Variants in TMEM108 observed in about 807,000 individuals in gnomAD.
TMEM108 encodes the protein cancer/testis antigen 124.
TMEM108 carries 12 observed loss-of-function variants against 35.1 expected under a neutral mutation model. The observed-to-expected ratio is 0.34, with a 90% CI of 0.22 to 0.55. TMEM108 has a LOEUF of 0.55. TMEM108 is among the 20% of genes least tolerant of loss of function. TMEM108 has a pLI of 0.89. For missense variants in TMEM108, 680 were observed against 753.3 expected (o/e 0.90, Z 1.14); for synonymous variants, 287 against 308.6 (o/e 0.93, Z 0.73).
intron 3 of TMEM108, among the ~76,000 whole-genome samples, chr3:133,272,188 T>A (rs1436647171): frequency 1.3e-5 from 2 of 151,974 alleles, no homozygotes; most frequent in African/African-American, 4.8e-5. Context: ...CTCATTTGTG[T>A]CATCTAACAC....
intron 3 of TMEM108, among the ~76,000 whole-genome samples, chr3:133,376,090 G>A (rs2072829928): frequency 1.3e-5 from 2 of 152,202 alleles, no homozygotes; most frequent in Non-Finnish European, 2.9e-5. Context: ...GGGGGAAATA[G>A]GCAGCAGCAA....
chr3:133,380,967 CCA>C lies in TMEM108; in HGVS notation c.1259_1260del (p.Thr420SerfsTer112). 2 of 1,614,232 alleles carry C rather than the reference CCA, an allele frequency of 1.2e-6. No individual in the cohort carries two copies. The highest frequency in any genetic ancestry group is 1.7e-6 in the Non-Finnish European group (2 of 1,180,038). ...ACCGACCGGGTGCCCAGTCCTCTCTCCACAGTGGTATCCACAGCCACAGGCAA... is the reference window on the plus strand; with the variant it reads ...ACCGACCGGGTGCCCAGTCCTCTCTCCAGTGGTATCCACAGCCACAGGCAA... On this transcript the variant is annotated frameshift_variant, in exon 4 of 6. Coordinates refer to ENST00000321871, the MANE Select transcript of TMEM108 (RefSeq NM_023943.4). LOFTEE classifies it high-confidence loss of function. This position sits in a 1 kb window ranked among gnomAD's most constrained non-coding sequence, Gnocchi z 5.3.
At chr3:133,181,496 T>C (rs1023586677) in intron 2 of TMEM108, among the ~76,000 whole-genome samples, 1 of 152,100 alleles carries the variant, frequency 6.6e-6, no homozygotes, top group Non-Finnish European at 1.5e-5. Flanking sequence ...ATCTGCATGG[T>C]TTTTAAATTA....
chr3:133,296,099 T>G (rs1438639498), intron 3 of TMEM108, among the ~76,000 whole-genome samples: 2 of 152,230 alleles, frequency 1.3e-5, no homozygotes, highest in African/African-American at 4.8e-5. Context: ...AATGTCTGAG[T>G]GCATATCTAC....
At chr3:133,330,305 A>G (rs919425627) in intron 3 of TMEM108, among the ~76,000 whole-genome samples, 2 of 152,154 alleles carry the variant, frequency 1.3e-5, no homozygotes, top group African/African-American at 4.8e-5. Flanking sequence ...TGGAGAGGCA[A>G]AGAGGTGGAG....
chr3:133,387,003 A>T, intron 4 of TMEM108: 1 of 985,940 alleles, frequency 1.0e-6, no homozygotes, highest in Non-Finnish European at 1.2e-6. Flanking sequence ...TATAGTAGAG[A>T]CCCTGTAAGT....
chr3:133,054,083 A>G (rs1342964524), intron 2 of TMEM108, among the ~76,000 whole-genome samples: 1 of 152,084 alleles, frequency 6.6e-6, no homozygotes, highest in Non-Finnish European at 1.5e-5. Flanking sequence ...GTAGGCTGAG[A>G]CCCCACTGGG....
At chr3:133,244,476 G>A (rs1379985508) in intron 3 of TMEM108, among the ~76,000 whole-genome samples, 1 of 152,184 alleles carries the variant, frequency 6.6e-6, no homozygotes, top group African/African-American at 2.4e-5. Flanking sequence ...CTGGTGAAGG[G>A]CTGATTGTTA....
At chr3:133,084,315 C>T (rs1943853172) in intron 2 of TMEM108, among the ~76,000 whole-genome samples, 1 of 152,156 alleles carries the variant, frequency 6.6e-6, no homozygotes, top group Admixed American at 6.5e-5. Context: ...TCCCTTCAAA[C>T]AGACTTCTGT....
chr3:133,300,198 C>A (rs1365262946), intron 3 of TMEM108, among the ~76,000 whole-genome samples: 1 of 151,906 alleles, frequency 6.6e-6, no homozygotes, highest in Admixed American at 6.6e-5. Flanking sequence ...GGGTGGTGGT[C>A]CTGACCACAT....
At chr3:133,315,398 A>C (rs1475588425) in intron 3 of TMEM108, among the ~76,000 whole-genome samples, 1 of 151,418 alleles carries the variant, frequency 6.6e-6, no homozygotes, top group Non-Finnish European at 1.5e-5. Flanking sequence ...ACTTTGAAAC[A>C]CAGAAAGCCC....
chr3:133,116,746 A>G (rs1379340648), intron 2 of TMEM108, among the ~76,000 whole-genome samples: 1 of 152,142 alleles, frequency 6.6e-6, no homozygotes, highest in Non-Finnish European at 1.5e-5. Context: ...ATTCAAAGGA[A>G]AATATATCTG....
At chr3:133,340,418 A>G (rs544226630) in intron 3 of TMEM108, among the ~76,000 whole-genome samples, 50 of 151,870 alleles carry the variant, frequency 3.3e-4, no homozygotes, top group African/African-American at 1.2e-3. Flanking sequence ...ACTAATAACA[A>G]ATAACAAGAG....
chr3:133,116,758 A>G (rs773066946), intron 2 of TMEM108, among the ~76,000 whole-genome samples: 27 of 152,104 alleles, frequency 1.8e-4, no homozygotes, highest in Non-Finnish European at 3.8e-4. Context: ...ATATATCTGT[A>G]TTTTGATTTA....
chr3:133,101,133 A>G (rs935228082), intron 2 of TMEM108, among the ~76,000 whole-genome samples: 12 of 152,216 alleles, frequency 7.9e-5, no homozygotes, highest in Admixed American at 2.0e-4. Flanking sequence ...AGAGCCTTGT[A>G]TGTAAAAATG....
chr3:133,171,095 T>G (rs2107790253), intron 2 of TMEM108, among the ~76,000 whole-genome samples: 1 of 152,340 alleles, frequency 6.6e-6, no homozygotes, highest in South Asian at 2.1e-4. Context: ...CTTCTCTCTC[T>G]GACATTTAGA....
chr3:133,291,769 C>T (rs1381842379), intron 3 of TMEM108, among the ~76,000 whole-genome samples: 1 of 152,178 alleles, frequency 6.6e-6, no homozygotes, highest in Non-Finnish European at 1.5e-5. Flanking sequence ...ATGCAGAAGG[C>T]AGGGTTCCTC....
intron 2 of TMEM108, among the ~76,000 whole-genome samples, chr3:133,161,003 A>G (rs185107327): frequency 2.9e-4 from 44 of 152,096 alleles, no homozygotes; most frequent in African/African-American, 8.9e-4. Flanking sequence ...CCTATTGCCA[A>G]TATGATCTTT....
chr3:133,358,358 G>T (rs574918016), intron 3 of TMEM108, among the ~76,000 whole-genome samples: 1 of 152,136 alleles, frequency 6.6e-6, no homozygotes, highest in East Asian at 1.9e-4. Flanking sequence ...TTTTAGTAGA[G>T]ACGGGGTTTC....
Sources: allele counts gnomAD v4.1 joint callset (sites outside exome capture counted in the v4.1 genomes callset), GRCh38; gene constraint gnomAD v4.1.1; non-coding constraint Gnocchi (gnomAD v3.1); transcripts MANE v1.5; gene names NCBI Gene and HGNC (gene_info 2026-07-23, HGNC 2026-07-21).